Variants in KCNIP4 observed in about 807,000 individuals in gnomAD.
KCNIP4 encodes potassium voltage-gated channel interacting protein 4, also known as Kv channel-interacting protein 4.
A neutral mutation model predicts 34.0 loss-of-function variants in KCNIP4; 12 were observed. The ratio of observed to expected loss-of-function variants is 0.35; its 90% CI spans 0.23 to 0.57. The LOEUF (loss-of-function observed/expected upper bound fraction) is 0.57. Among genes scored for constraint, KCNIP4 ranks in the 20% least tolerant of loss-of-function variants. KCNIP4 has a pLI of 0.83. For synonymous variants in KCNIP4, 124 were observed against 102.2 expected (o/e 1.21, Z -1.29); for missense variants, 238 against 311.7 (o/e 0.76, Z 1.78).
intron 1 of KCNIP4, among the ~76,000 whole-genome samples, chr4:21,409,182 C>G (rs966381195): frequency 6.6e-6 from 1 of 151,656 alleles, no homozygotes; most frequent in South Asian, 2.1e-4. Context: ...TCATAGCTCA[C>G]TGCAACCTCG....
At chr4:21,357,604 C>A (rs1395264937) in intron 1 of KCNIP4, among the ~76,000 whole-genome samples, 1 of 152,138 alleles carries the variant, frequency 6.6e-6, no homozygotes, top group East Asian at 1.9e-4. Flanking sequence ...AAATGCAAAT[C>A]AAAACCAAAA....
chr4:21,502,258 G>T (rs780121451), intron 1 of KCNIP4, among the ~76,000 whole-genome samples: 22 of 151,922 alleles, frequency 1.4e-4, no homozygotes, highest in Non-Finnish European at 3.1e-4. Flanking sequence ...GCTCAAAATG[G>T]GAAAAAGAAA....
At chr4:20,827,621 TGA>T (rs1181695997) in intron 3 of KCNIP4, among the ~76,000 whole-genome samples, 1 of 152,146 alleles carries the variant, frequency 6.6e-6, no homozygotes, top group Admixed American at 6.5e-5. Context: ...ACAGAGATCA[TGA>T]GAGAGAGGGA....
chr4:21,869,763 TA>T (rs1725657939), intron 1 of KCNIP4, among the ~76,000 whole-genome samples: 3 of 150,160 alleles, frequency 2.0e-5, no homozygotes, highest in Non-Finnish European at 4.4e-5. Flanking sequence ...GATAGATAGA[TA>T]GATAGATAGA....
intron 1 of KCNIP4, among the ~76,000 whole-genome samples, chr4:21,088,951 A>C (rs1746724893): frequency 6.6e-6 from 1 of 152,204 alleles, no homozygotes; most frequent in Non-Finnish European, 1.5e-5. Flanking sequence ...AGAAGCAAAA[A>C]ACTTTTGTGA....
chr4:21,002,348 G>A (rs1268237876), intron 1 of KCNIP4, among the ~76,000 whole-genome samples: 1 of 152,148 alleles, frequency 6.6e-6, no homozygotes. Flanking sequence ...TATAAAATAA[G>A]CCTCAGAGTA....
At chr4:21,699,636 G>T (rs547012597) in intron 1 of KCNIP4, among the ~76,000 whole-genome samples, 1 of 152,158 alleles carries the variant, frequency 6.6e-6, no homozygotes, top group Non-Finnish European at 1.5e-5. Flanking sequence ...GCCAAGCTGC[G>T]AATGAGCTTG....
chr4:20,876,133 G>C (rs1043809112), intron 2 of KCNIP4, among the ~76,000 whole-genome samples: 1 of 152,026 alleles, frequency 6.6e-6, no homozygotes, highest in Non-Finnish European at 1.5e-5. Context: ...GATAGTGCTG[G>C]GTAGATGTTG....
chr4:21,086,767 C>T (rs1376475226), intron 1 of KCNIP4, among the ~76,000 whole-genome samples: 1 of 151,948 alleles, frequency 6.6e-6, no homozygotes, highest in East Asian at 1.9e-4. Flanking sequence ...TTTTTCGATT[C>T]CTTCAAGTTC....
At chr4:20,989,157 C>T (rs11943277) in intron 1 of KCNIP4, among the ~76,000 whole-genome samples, 31,286 of 152,074 alleles carry the variant, frequency 0.21, 3,704 homozygotes, top group Admixed American at 0.36. Context: ...GTGCTCTGCA[C>T]GTGTAAATAA....
At chr4:21,403,841 C>T (rs2109562235) in intron 1 of KCNIP4, among the ~76,000 whole-genome samples, 1 of 152,206 alleles carries the variant, frequency 6.6e-6, no homozygotes, top group African/African-American at 2.4e-5. Context: ...TGGAGGAAGA[C>T]CAGAGAGGCA....
intron 3 of KCNIP4, among the ~76,000 whole-genome samples, chr4:20,812,108 T>C (rs1428243966): frequency 6.6e-6 from 1 of 152,140 alleles, no homozygotes; most frequent in Non-Finnish European, 1.5e-5. Flanking sequence ...TTTGGGGACA[T>C]GTTTGCGTAA....
intron 1 of KCNIP4, among the ~76,000 whole-genome samples, chr4:21,261,263 C>T (rs116259581): frequency 6.6e-6 from 1 of 152,200 alleles, no homozygotes; most frequent in Non-Finnish European, 1.5e-5. Flanking sequence ...AAGCAAATAT[C>T]ATTGCGTAAA....
chr4:20,900,699 G>C (rs1007205356), intron 1 of KCNIP4, among the ~76,000 whole-genome samples: 8 of 152,068 alleles, frequency 5.3e-5, no homozygotes, highest in Admixed American at 1.3e-4. Flanking sequence ...TCTCACCTTA[G>C]GCTACTAGTT....
At chr4:21,683,446 ATTTTTTTTTTTTTTTTTTTTTTTTT>A (rs71191533) in intron 1 of KCNIP4, among the ~76,000 whole-genome samples, 1 of 46,554 alleles carries the variant, frequency 2.1e-5, no homozygotes, top group African/African-American at 7.2e-5. Flanking sequence ...GTGAAGCCAG[ATTTTTTTTTTTTTTTTTTTTTTTTT>A]TTTTTTTTTT....
intron 3 of KCNIP4, among the ~76,000 whole-genome samples, chr4:20,848,413 A>G (rs1720628711): frequency 6.6e-6 from 1 of 151,972 alleles, no homozygotes; most frequent in Non-Finnish European, 1.5e-5. Context: ...AGAAGGATTA[A>G]AAAAGGGGAA....
At chr4:21,629,275 A>G (rs915621561) in intron 1 of KCNIP4, among the ~76,000 whole-genome samples, 1 of 152,244 alleles carries the variant, frequency 6.6e-6, no homozygotes, top group African/African-American at 2.4e-5. Flanking sequence ...TAAGCACCCC[A>G]AAAGAATAAT....
At chr4:21,353,812 G>A (rs553364253) in intron 1 of KCNIP4, among the ~76,000 whole-genome samples, 4 of 151,950 alleles carry the variant, frequency 2.6e-5, no homozygotes, top group Non-Finnish European at 4.4e-5. Flanking sequence ...ACAAAGATAC[G>A]CCTTGAGAAG....
intron 1 of KCNIP4, among the ~76,000 whole-genome samples, chr4:21,750,586 G>A (rs1717089204): frequency 6.6e-6 from 1 of 152,076 alleles, no homozygotes; most frequent in Non-Finnish European, 1.5e-5. Context: ...AACATATTTT[G>A]AAAACAAGTG....
Sources: allele counts gnomAD v4.1 joint callset (sites outside exome capture counted in the v4.1 genomes callset), GRCh38; gene constraint gnomAD v4.1.1; transcripts MANE v1.5; gene names NCBI Gene and HGNC (gene_info 2026-07-23, HGNC 2026-07-21).